The following MMAA variants were observed in gnomAD, a reference collection of about 807,000 sequenced individuals.
MMAA encodes the protein metabolism of cobalamin associated A.
A neutral mutation model predicts 45.0 loss-of-function variants in MMAA; 41 were observed. The ratio of observed to expected loss-of-function variants is 0.91; its 90% CI spans 0.71 to 1.18. The LOEUF is 1.18. Ranked by LOEUF, MMAA falls within the 50% of genes most tolerant of loss-of-function variation. The pLI, the probability that MMAA is intolerant of heterozygous loss-of-function variation, is 0.00. For missense variants in MMAA, 460 were observed against 495.7 expected (o/e 0.93, Z 0.68); for synonymous variants, 154 against 178.2 (o/e 0.86, Z 1.08).
intron 2 of MMAA, among the ~76,000 whole-genome samples, chr4:145,641,253 T>C (rs555310712): frequency 6.6e-6 from 1 of 152,336 alleles, no homozygotes; most frequent in African/African-American, 2.4e-5. Flanking sequence ...TTAGAGAATC[T>C]GTGAAAAAAT....
intron 3 of MMAA, 80 bp from the exon 4 acceptor site, chr4:145,645,906 A>G: frequency 1.4e-6 from 2 of 1,383,574 alleles, no homozygotes; most frequent in South Asian, 1.2e-5. Flanking sequence ...AAATGGCATA[A>G]AGCACTTCCC....
Position 145,639,811 on chromosome 4 carries a change from T to C in MMAA, c.439+233T>C, listed in dbSNP as rs919188541. ...AGAAAATAATATAAGATTTTTACTT[T>C]GGCAAGAATCTTGCTCTGGATCCCA... On this transcript the variant is annotated intron_variant, in intron 2 of 6. Transcript: ENST00000649156. The C allele has an allele frequency of 6.1e-6, 6 of 984,446 alleles. No individual in the cohort carries two copies. The African/African-American group carries it at 1.0e-4, about 17-fold the overall frequency. The allele number at this position is 984,446 out of a possible 1,614,324, so 61.0% of individuals were successfully genotyped here. A position where few individuals can be genotyped will look rare whatever the true frequency, so the allele number is the denominator to read the frequency against.
chr4:145,620,933 C>G (rs1734076882), intron 1 of MMAA, among the ~76,000 whole-genome samples: 1 of 152,128 alleles, frequency 6.6e-6, no homozygotes, highest in African/African-American at 2.4e-5. Context: ...GGCCTGGGGA[C>G]TACACTTTGA....
At chr4:145,638,951 G>A in intron 1 of MMAA, 124 bp from the exon 2 acceptor site, 1 of 612,652 alleles carries the variant, frequency 1.6e-6, no homozygotes, top group South Asian at 2.0e-5. Flanking sequence ...TCACCCATTT[G>A]TACTACCAAA....
At chr4:145,641,755 C>T (rs1342192838) in intron 2 of MMAA, among the ~76,000 whole-genome samples, 9 of 152,166 alleles carry the variant, frequency 5.9e-5, no homozygotes, top group Admixed American at 4.6e-4. Context: ...GAACTGGCTG[C>T]GTGGCTTCAG....
rs546453862 is a variant in MMAA at position 145,657,302 on chromosome 4, A to G, written c.*1868A>G. Reference sequence around the variant, plus strand: ...ACCATTGGGTATTGTATAGAGACCAATTTCTAAGAGATTTTTTCACCTCTG... The same window carrying G: ...ACCATTGGGTATTGTATAGAGACCAGTTTCTAAGAGATTTTTTCACCTCTG... On this transcript the variant is annotated 3_prime_UTR_variant, in exon 7 of 7. Coordinates refer to ENST00000649156, the MANE Select transcript of MMAA (RefSeq NM_172250.3). 1 of 152,282 alleles carries G rather than the reference A, an allele frequency of 6.6e-6. No individual in the cohort carries two copies. The highest frequency in any genetic ancestry group is 2.1e-4 in the South Asian group (1 of 4,828). 9.4% of individuals were successfully genotyped at this position (152,282 alleles called of 1,614,324 possible).
chr4:145,635,202 C>T (rs999848395), intron 1 of MMAA, among the ~76,000 whole-genome samples: 1 of 152,130 alleles, frequency 6.6e-6, no homozygotes, highest in Non-Finnish European at 1.5e-5. Flanking sequence ...CACTAGAGCA[C>T]TTTAACCCAC....
intron 1 of MMAA, chr4:145,624,934 G>A (rs1233861372): frequency 1.9e-5 from 24 of 1,296,022 alleles, no homozygotes; most frequent in South Asian, 6.0e-5. Context: ...GATTGCCCAC[G>A]TTTTCCAACT....
At chr4:145,634,954 C>G (rs1464739448) in intron 1 of MMAA, among the ~76,000 whole-genome samples, 1 of 151,870 alleles carries the variant, frequency 6.6e-6, no homozygotes, top group Non-Finnish European at 1.5e-5. Flanking sequence ...CCGCTCTTCC[C>G]TTTCCTTTCC....
chr4:145,642,593 T>A, intron 3 of MMAA, 108 bp downstream of exon 3: 2 of 1,495,044 alleles, frequency 1.3e-6, no homozygotes, highest in Non-Finnish European at 9.2e-7. Flanking sequence ...CTAAGTTTGG[T>A]CTCGCTAAAG....
intron 1 of MMAA, among the ~76,000 whole-genome samples, chr4:145,633,891 T>G (rs959765955): frequency 6.6e-6 from 1 of 152,238 alleles, no homozygotes; most frequent in Non-Finnish European, 1.5e-5. Context: ...GAGACTCTTG[T>G]TCTCTTCCCA....
rs1023477933 is a variant in MMAA, at chr4:145,659,639, A to T, written c.*4205A>T. 3 of 152,168 alleles carry T rather than the reference A, an allele frequency of 2.0e-5. No individual in the cohort carries two copies. The highest frequency in any genetic ancestry group is 6.5e-5 in the Admixed American group (1 of 15,268). 9.4% of individuals were successfully genotyped at this position (152,168 alleles called of 1,614,324 possible). On this transcript the variant is annotated 3_prime_UTR_variant, in exon 7 of 7. Coordinates refer to ENST00000649156, the MANE Select transcript of MMAA (RefSeq NM_172250.3). Reference sequence around the variant, plus strand: ...CTGGCCAATCTTAAGATGTGGATAGAGTTCTTTTTTTTCTTTTTTCAATTT... The same window carrying T: ...CTGGCCAATCTTAAGATGTGGATAGTGTTCTTTTTTTTCTTTTTTCAATTT...
At chr4:145,624,748 T>C in intron 1 of MMAA, 1 of 1,597,084 alleles carries the variant, frequency 6.3e-7, no homozygotes, top group Middle Eastern at 1.7e-4. Flanking sequence ...TACAGAGCCT[T>C]CTCCTCACAA....
At position 145,651,063 on chromosome 4, in the gene MMAA, T is replaced by C; in HGVS notation, c.735T>C (p.Gly245=). ...GYDIILIETV[G]VGQSEFAVAD... The stretch of plus-strand genomic sequence containing the variant: ...TATAGTTGTGATTTACAATTTCAGG[T>C]GTGGGTCAGTCGGAGTTTGCTGTTG... Residue 245 remains glycine (G), a splice_region_variant and synonymous_variant, in exon 5 of 7, where the codon GGT becomes GGC. Transcript: ENST00000649156. 2 of 1,613,980 alleles carry C rather than the reference T, an allele frequency of 1.2e-6. No individual in the cohort carries two copies. Among genetic ancestry groups the C allele is most frequent in the African/African-American group, 1.3e-5 (1 of 75,058 alleles).
rs868267111 is a variant in MMAA, at chr4:145,656,474, C to T, written c.*1040C>T. The T allele has an allele frequency of 6.6e-6, 1 of 151,934 alleles. No individual in the cohort carries two copies. Among genetic ancestry groups the T allele is most frequent in the African/African-American group, 2.4e-5 (1 of 41,224 alleles). The allele number at this position is 151,934 out of a possible 1,614,324, so 9.4% of individuals were successfully genotyped here. A position where few individuals can be genotyped will look rare whatever the true frequency, so the allele number is the denominator to read the frequency against. The stretch of plus-strand genomic sequence containing the variant: ...CTAAGGTTAGTGAAGATAGGAAATA[C>T]TCGAAGGCTGCTTACTATCCTTATT... On this transcript the variant is annotated 3_prime_UTR_variant, in exon 7 of 7. Transcript: ENST00000649156.
intron 2 of MMAA, among the ~76,000 whole-genome samples, chr4:145,642,141 G>A (rs1334155030): frequency 6.6e-6 from 1 of 152,182 alleles, no homozygotes; most frequent in Non-Finnish European, 1.5e-5. Context: ...AGTGAATTTT[G>A]TGAACATTTG....
At chr4:145,651,603 C>T (rs1426421403) in intron 5 of MMAA, among the ~76,000 whole-genome samples, 1 of 152,214 alleles carries the variant, frequency 6.6e-6, no homozygotes, top group South Asian at 2.1e-4. Context: ...CCTCCACAAG[C>T]CTCCTCTCAC....
At chr4:145,638,246 G>A (rs1018779594) in intron 1 of MMAA, among the ~76,000 whole-genome samples, 1 of 152,198 alleles carries the variant, frequency 6.6e-6, no homozygotes, top group African/African-American at 2.4e-5. Flanking sequence ...GCAGGTGCCT[G>A]TAGTCCCAGC....
At chr4:145,638,986 A>C in intron 1 of MMAA, 89 bp from the exon 2 acceptor site, 1 of 690,652 alleles carries the variant, frequency 1.4e-6, no homozygotes, top group Non-Finnish European at 2.5e-6. Flanking sequence ...GTGGTTTAGA[A>C]TATGGGGGAA....
Sources: gnomAD v4.1 joint callset for allele counts (sites outside exome capture counted in the v4.1 genomes callset) on GRCh38, gnomAD v4.1.1 for gene constraint, MANE v1.5 for transcripts, NCBI Gene and HGNC (gene_info 2026-07-23, HGNC 2026-07-21) for gene names.